Variants in NETO1 observed in about 807,000 individuals in gnomAD.
The protein encoded by NETO1 is neuropilin and tolloid-like protein 1.
In NETO1, 26 loss-of-function variants were observed where a neutral mutation model predicts 61.3. The observed-to-expected ratio is 0.42, with a 90% CI of 0.31 to 0.59. The LOEUF is 0.59. NETO1 is among the 20% of genes least tolerant of loss of function. The probability of loss-of-function intolerance (pLI) is 0.12; values close to 1 mark genes in which losing one functional copy is unlikely to be tolerated. For missense variants in NETO1, 531 were observed against 662.8 expected (o/e 0.80, Z 2.18); for synonymous variants, 225 against 225.8 (o/e 1.00, Z 0.03).
intron 4 of NETO1, among the ~76,000 whole-genome samples, chr18:72,857,498 T>C (rs1248736610): frequency 6.6e-6 from 1 of 152,194 alleles, no homozygotes; most frequent in East Asian, 1.9e-4. Context: ...AAGACATTAT[T>C]TTCATGATCA....
chr18:72,773,843 G>A (rs931004478), intron 7 of NETO1, among the ~76,000 whole-genome samples: 3 of 152,034 alleles, frequency 2.0e-5, no homozygotes, highest in Admixed American at 6.6e-5. Flanking sequence ...TACAAGGTGA[G>A]AATGTCTTGG....
At chr18:72,861,202 G>A (rs140150120) in intron 3 of NETO1, among the ~76,000 whole-genome samples, 10 of 152,224 alleles carry the variant, frequency 6.6e-5, no homozygotes, top group South Asian at 2.1e-4. Context: ...GAAACATTCC[G>A]CCATTATGGC....
intron 4 of NETO1, chr18:72,834,862 T>G (rs2073693882): frequency 1.1e-6 from 1 of 940,696 alleles, no homozygotes; most frequent in Non-Finnish European, 1.3e-6. Flanking sequence ...ATAAAAAGAT[T>G]GTAATACAAG....
At chr18:72,778,313 C>A (rs1210845631) in intron 7 of NETO1, among the ~76,000 whole-genome samples, 1 of 152,216 alleles carries the variant, frequency 6.6e-6, no homozygotes, top group African/African-American at 2.4e-5. Flanking sequence ...GCCTGCCTGG[C>A]TACACCTTTG....
chr18:72,744,342 G>A lies in NETO1; in HGVS notation c.*3837C>T, dbSNP rs1000071969. 1 of 152,022 alleles carries A rather than the reference G, an allele frequency of 6.6e-6. No individual in the cohort carries two copies. Among genetic ancestry groups the A allele is most frequent in the Non-Finnish European group, 1.5e-5 (1 of 68,006 alleles). 9.4% of individuals were successfully genotyped at this position (152,022 alleles called of 1,614,324 possible). On this transcript the variant is annotated 3_prime_UTR_variant, in exon 11 of 11. Transcript: ENST00000327305. ...AAAGGGCCTCAGATTTATTTAGCAG[G>A]ATTATTTATAAAAACATTTCTGGCT... is the stretch of plus-strand genomic sequence containing the variant.
rs569620441 is a variant in NETO1 at position 72,772,231 on chromosome 18, C to T, written c.868+11447G>A. 2.6e-4 allele frequency among the ~76,000 whole-genome samples: 40 copies of T among 152,136 alleles called. 1 individual carries two copies. The highest frequency in any genetic ancestry group is 3.5e-4 in the Non-Finnish European group (24 of 68,028). On this transcript the variant is annotated intron_variant, in intron 7 of 10. Coordinates refer to ENST00000327305, the MANE Select transcript of NETO1 (RefSeq NM_138966.5). Reference sequence around the variant, plus strand: ...CACTACAGTTAAAAATCTCTGATTTCTTTCATCTCTAACCATTAGATCTTT... The same window carrying T: ...CACTACAGTTAAAAATCTCTGATTTTTTTCATCTCTAACCATTAGATCTTT...
intron 4 of NETO1, among the ~76,000 whole-genome samples, chr18:72,824,254 A>C (rs1443680084): frequency 3.3e-5 from 5 of 152,256 alleles, no homozygotes; most frequent in Non-Finnish European, 5.9e-5. Flanking sequence ...TTACTAAAGA[A>C]CTACTACATT....
Position 72,802,052 on chromosome 18 carries a change from C to T in NETO1, c.470-7648G>A, listed in dbSNP as rs141999184. Among the ~76,000 whole-genome samples the T allele has an allele frequency of 1.8e-3, 267 of 152,002 alleles. 1 individual carries two copies. The highest frequency in any genetic ancestry group is 6.3e-3 in the African/African-American group (263 of 41,452). On this transcript the variant is annotated intron_variant, in intron 4 of 10. Transcript: ENST00000327305. ...GAAAATATGAGAAAATGTATCTTTTCCTCCACTTTATAGATGTTAATAATT... is the reference window on the plus strand; with the variant it reads ...GAAAATATGAGAAAATGTATCTTTTTCTCCACTTTATAGATGTTAATAATT...
intron 4 of NETO1, among the ~76,000 whole-genome samples, chr18:72,831,033 C>T (rs1258438538): frequency 6.6e-6 from 1 of 152,078 alleles, no homozygotes; most frequent in Non-Finnish European, 1.5e-5. Flanking sequence ...TTCAAGACCC[C>T]CTTACCCCAC....
At chr18:72,818,363 G>T (rs144587794) in intron 4 of NETO1, among the ~76,000 whole-genome samples, 9 of 152,276 alleles carry the variant, frequency 5.9e-5, no homozygotes, top group African/African-American at 1.9e-4. Flanking sequence ...ACATAAAACA[G>T]ATTCTGCCTA....
intron 4 of NETO1, among the ~76,000 whole-genome samples, chr18:72,838,622 T>C (rs1056331550): frequency 2.0e-5 from 3 of 152,332 alleles, no homozygotes; most frequent in African/African-American, 7.2e-5. Context: ...TTCCCTTTGC[T>C]TGTATGCTTC....
rs116659905 is a variant in NETO1, at chr18:72,843,743, C to T, written c.469+15083G>A. The stretch of plus-strand genomic sequence containing the variant: ...GGACAAAAGAAAAACTCTTCCCTTA[C>T]CTTAAAATATAAAGCGTATTTTTAG... On this transcript the variant is annotated intron_variant, in intron 4 of 10. Coordinates refer to ENST00000327305, the MANE Select transcript of NETO1 (RefSeq NM_138966.5). 3.0e-3 allele frequency among the ~76,000 whole-genome samples: 462 copies of T among 152,268 alleles called. 2 individuals carry two copies. The highest frequency in any genetic ancestry group is 0.011 in the African/African-American group (443 of 41,558).
At chr18:72,865,839 AC>A in intron 1 of NETO1, 1 of 628,190 alleles carries the variant, frequency 1.6e-6, no homozygotes, top group South Asian at 2.4e-5. Context: ...CCTCCAAGTA[AC>A]CCCGTCCCTC....
In NETO1 at chr18:72,858,950, T is replaced by C; in HGVS notation, c.345A>G (p.Gly115=). ...GTGGATTTTGTTGTCCACAGAAACG[T>C]CCAATTATTGGAGAAAAGCCAAAAG... ...DGPFGFSPII[G]RFCGQQNPPV... The change falls in exon 4 of 11, where the codon GGA becomes GGG. Residue 115 remains glycine (G), a synonymous_variant. Coordinates refer to ENST00000327305, the MANE Select transcript of NETO1 (RefSeq NM_138966.5). 6.2e-7 allele frequency: 1 copy of C among 1,613,902 alleles called. No individual in the cohort carries two copies.
chr18:72,813,238 C>T (rs553909559), intron 4 of NETO1, among the ~76,000 whole-genome samples: 6 of 152,276 alleles, frequency 3.9e-5, no homozygotes, highest in African/African-American at 7.2e-5. Context: ...ACCTCAAATA[C>T]GTAAGACCCG....
chr18:72,796,413 A>G (rs940362661), intron 4 of NETO1, among the ~76,000 whole-genome samples: 3 of 152,220 alleles, frequency 2.0e-5, no homozygotes, highest in Non-Finnish European at 4.4e-5. Flanking sequence ...TACAGACACT[A>G]TTAGAAAGTG....
chr18:72,852,407 G>C (rs1032762451), intron 4 of NETO1, among the ~76,000 whole-genome samples: 3 of 152,150 alleles, frequency 2.0e-5, no homozygotes, highest in African/African-American at 4.8e-5. Flanking sequence ...AGTAGAGACA[G>C]GGTTTCACCG....
In NETO1 at chr18:72,746,962, C is replaced by T. The variant is rs1021636722; in HGVS notation, c.*1217G>A. On this transcript the variant is annotated 3_prime_UTR_variant, in exon 11 of 11. Transcript: ENST00000327305. Reference sequence around the variant, plus strand: ...AAGCTTTCAGGTGTATTATGTGTACCTGAGAATAAGAATAATTCATAATGG... The same window carrying T: ...AAGCTTTCAGGTGTATTATGTGTACTTGAGAATAAGAATAATTCATAATGG... Among the ~76,000 whole-genome samples the T allele has an allele frequency of 2.6e-5, 4 of 151,610 alleles. No individual in the cohort carries two copies. Among genetic ancestry groups the T allele is most frequent in the Admixed American group, 2.6e-4 (4 of 15,188 alleles).
At chr18:72,861,485 T>G (rs1039477604) in intron 3 of NETO1, among the ~76,000 whole-genome samples, 1 of 152,226 alleles carries the variant, frequency 6.6e-6, no homozygotes, top group Non-Finnish European at 1.5e-5. Flanking sequence ...CCTTTTAACA[T>G]TTCTGTAAGT....
Sources: gnomAD v4.1 joint callset for allele counts (sites outside exome capture counted in the v4.1 genomes callset) on GRCh38, gnomAD v4.1.1 for gene constraint, MANE v1.5 for transcripts, NCBI Gene and HGNC (gene_info 2026-07-23, HGNC 2026-07-21) for gene names.